Variants in MDGA2 observed in about 807,000 individuals in gnomAD.
MDGA2 encodes MAM domain-containing glycosylphosphatidylinositol anchor protein 2.
In MDGA2, 40 loss-of-function variants were observed where a neutral mutation model predicts 117.8. The observed-to-expected ratio is 0.34, with a 90% confidence interval of 0.26 to 0.44. The LOEUF (loss-of-function observed/expected upper bound fraction) is 0.44. Among genes scored for constraint, MDGA2 ranks in the 20% least tolerant of loss-of-function variants. The pLI is 1.00. For missense variants in MDGA2, 1,123 were observed against 1,250.6 expected (o/e 0.90, Z 1.54); for synonymous variants, 452 against 439.0 (o/e 1.03, Z -0.37).
intron 1 of MDGA2, among the ~76,000 whole-genome samples, chr14:47,645,832 G>A (rs1207985565): frequency 1.3e-5 from 2 of 151,768 alleles, no homozygotes; most frequent in Non-Finnish European, 2.9e-5. Context: ...CAGCACTCTG[G>A]GAAGCCGAGG....
intron 14 of MDGA2, among the ~76,000 whole-genome samples, chr14:46,861,591 G>A (rs1395272391): frequency 6.6e-6 from 1 of 151,860 alleles, no homozygotes; most frequent in Non-Finnish European, 1.5e-5. Context: ...GTGGCTAGAT[G>A]TTATTTAAAA....
At chr14:46,962,419 C>A (rs1330295635) in intron 8 of MDGA2, among the ~76,000 whole-genome samples, 1 of 152,132 alleles carries the variant, frequency 6.6e-6, no homozygotes, top group Non-Finnish European at 1.5e-5. Context: ...GGAGACAGTT[C>A]TACCAACAGA....
chr14:47,161,529 A>G (rs1464653214), intron 3 of MDGA2, among the ~76,000 whole-genome samples: 1 of 151,808 alleles, frequency 6.6e-6, no homozygotes, highest in Non-Finnish European at 1.5e-5. Context: ...ACTTAATGTA[A>G]TTATTTTTCT....
intron 1 of MDGA2, among the ~76,000 whole-genome samples, chr14:47,429,695 T>C (rs1892760753): frequency 6.6e-6 from 1 of 152,102 alleles, no homozygotes; most frequent in African/African-American, 2.4e-5. Context: ...TATTTATTCA[T>C]TGTAAGACAT....
chr14:47,010,091 C>T (rs1887845790), intron 8 of MDGA2, among the ~76,000 whole-genome samples: 1 of 152,032 alleles, frequency 6.6e-6, no homozygotes, highest in Non-Finnish European at 1.5e-5. Context: ...GATCTTGTAA[C>T]ATCAAGTCCC....
intron 3 of MDGA2, among the ~76,000 whole-genome samples, chr14:47,176,962 A>T (rs1206124140): frequency 6.6e-6 from 1 of 152,062 alleles, no homozygotes; most frequent in Non-Finnish European, 1.5e-5. Flanking sequence ...TAAGAAAAAA[A>T]CAAACAACCC....
chr14:47,173,049 G>A (rs575162998), intron 3 of MDGA2, among the ~76,000 whole-genome samples: 1 of 152,146 alleles, frequency 6.6e-6, no homozygotes, highest in Non-Finnish European at 1.5e-5. Context: ...AAGGGTATCA[G>A]TGATGGAAGA....
At chr14:47,120,608 GA>G (rs1392582953) in intron 5 of MDGA2, among the ~76,000 whole-genome samples, 1 of 152,162 alleles carries the variant, frequency 6.6e-6, no homozygotes, top group African/African-American at 2.4e-5. Flanking sequence ...AGACTTTGCA[GA>G]AGCTGGAAAT....
At position 47,674,611 on chromosome 14, in the gene MDGA2, T is replaced by C. The variant is rs773282732; in HGVS notation, c.186A>G (p.Gly62=). The change falls in exon 1 of 17, where the codon GGA becomes GGG. Residue 62 remains glycine (G), a synonymous_variant. Transcript: ENST00000399232. ...LKVPLRTPWA[G]YVHVHVKMDL... is the part of the protein sequence containing the mutation. ...CCATCTTCACGTGAACATGAACATA[T>C]CCAGCCCAGGGGGTACGCAACGGGA... 4.5e-6 allele frequency: 7 copies of C among 1,548,810 alleles called. No homozygotes were observed. The highest frequency in any genetic ancestry group is 6.1e-6 in the Non-Finnish European group (7 of 1,145,044).
intron 1 of MDGA2, among the ~76,000 whole-genome samples, chr14:47,620,675 A>T (rs1424537326): frequency 6.6e-6 from 1 of 152,192 alleles, no homozygotes; most frequent in Admixed American, 6.5e-5. Context: ...TTTAAATAAG[A>T]TTAAGAATCT....
chr14:47,199,874 A>C (rs1176674870), intron 3 of MDGA2, among the ~76,000 whole-genome samples: 1 of 152,200 alleles, frequency 6.6e-6, no homozygotes, highest in African/African-American at 2.4e-5. Context: ...GTTTTGGCTT[A>C]AATGGCTGAC....
chr14:47,276,556 G>A (rs1386574321), intron 2 of MDGA2, among the ~76,000 whole-genome samples: 3 of 152,056 alleles, frequency 2.0e-5, no homozygotes, highest in East Asian at 3.9e-4. Flanking sequence ...AGTAAAAAGA[G>A]ATAATGGGTC....
chr14:47,175,244 T>C (rs1276081243), intron 3 of MDGA2, among the ~76,000 whole-genome samples: 1 of 151,716 alleles, frequency 6.6e-6, no homozygotes, highest in Non-Finnish European at 1.5e-5. Context: ...GTACCATTCC[T>C]TGTGAAACTA....
At chr14:47,094,979 T>C (rs1879879053) in intron 6 of MDGA2, among the ~76,000 whole-genome samples, 1 of 152,072 alleles carries the variant, frequency 6.6e-6, no homozygotes, top group Admixed American at 6.6e-5. Context: ...GTGAATTCTT[T>C]GTTTTCTATA....
At chr14:47,518,003 T>C (rs1894791040) in intron 1 of MDGA2, among the ~76,000 whole-genome samples, 1 of 152,136 alleles carries the variant, frequency 6.6e-6, no homozygotes, top group African/African-American at 2.4e-5. Flanking sequence ...ATATGCTTTA[T>C]CGTGTGTGGT....
intron 1 of MDGA2, among the ~76,000 whole-genome samples, chr14:47,547,035 A>C (rs552345854): frequency 6.6e-6 from 1 of 152,198 alleles, no homozygotes; most frequent in Non-Finnish European, 1.5e-5. Context: ...TCCCCAGTGT[A>C]TATTTTCCTG....
At chr14:47,597,774 G>C (rs1325553996) in intron 1 of MDGA2, among the ~76,000 whole-genome samples, 2 of 150,774 alleles carry the variant, frequency 1.3e-5, no homozygotes, top group African/African-American at 4.9e-5. Flanking sequence ...GTCAATTATA[G>C]TTTATTTTAG....
At chr14:47,347,205 C>T (rs1302154849) in intron 1 of MDGA2, among the ~76,000 whole-genome samples, 7 of 152,070 alleles carry the variant, frequency 4.6e-5, no homozygotes, top group Admixed American at 1.3e-4. Flanking sequence ...GCGACATGGC[C>T]AGATTTTATT....
At chr14:46,944,042 AC>A (rs1885085922) in intron 9 of MDGA2, among the ~76,000 whole-genome samples, 1 of 152,008 alleles carries the variant, frequency 6.6e-6, no homozygotes, top group Admixed American at 6.6e-5. Context: ...TTTTATCTTT[AC>A]CCACTTATTT....
Sources: gnomAD v4.1 joint callset for allele counts (sites outside exome capture counted in the v4.1 genomes callset) on GRCh38, gnomAD v4.1.1 for gene constraint, MANE v1.5 for transcripts, NCBI Gene and HGNC (gene_info 2026-07-23, HGNC 2026-07-21) for gene names.